Variants in CDKL5 observed in about 807,000 individuals in gnomAD.
CDKL5 encodes the protein cyclin dependent kinase like 5.
CDKL5 carries 8 observed loss-of-function variants against 61.7 expected under a neutral mutation model. The ratio of observed to expected loss-of-function variants is 0.13; its 90% CI spans 0.08 to 0.23. The LOEUF is 0.23. Among genes scored for constraint, CDKL5 ranks in the 10% least tolerant of loss-of-function variants. CDKL5 has a pLI of 1.00. For synonymous variants in CDKL5, 275 were observed against 272.3 expected, an observed-to-expected ratio of 1.01 and a Z score of -0.10; for missense variants, 440 against 734.5, an observed-to-expected ratio of 0.60 and a Z score of 4.63.
At chrX:18,578,148 C>G (rs976591945) in intron 5 of CDKL5, among the ~76,000 whole-genome samples, 1 of 111,815 alleles carries the variant, frequency 8.9e-6, no homozygotes, top group Admixed American at 9.5e-5. Flanking sequence ...CATGCTTATC[C>G]CCACTAGCAC....
In CDKL5 at chrX:18,579,314, T is replaced by A. The variant is rs1363465691; in HGVS notation, c.283-534T>A. Among the ~76,000 whole-genome samples, 4 of 111,612 alleles carry A rather than the reference T, an allele frequency of 3.6e-5. 1 individual carries two copies. The Admixed American group carries it at 3.8e-4, about 11-fold the overall frequency. ...TTTTTGAATATTGAATTGTAGGGGG[T>A]CTGTGACTCTTTATTTCAATAGTAT... On this transcript the variant is annotated intron_variant, in intron 5 of 17. Transcript: ENST00000623535.
downstream of CDKL5, among the ~76,000 whole-genome samples, chrX:18,643,494 G>A (rs1927659674): frequency 8.9e-6 from 1 of 112,434 alleles, no homozygotes; most frequent in South Asian, 3.7e-4. Context: ...GTGCCTCTTT[G>A]CAAAGAACCT....
intron 1 of CDKL5, among the ~76,000 whole-genome samples, chrX:18,473,712 CTTTTTTTTT>C (rs749380907): frequency 1.0e-5 from 1 of 97,532 alleles, no homozygotes; most frequent in Non-Finnish European, 2.1e-5. Flanking sequence ...ACTTCTCTCT[CTTTTTTTTT>C]TTTTTTTGGA....
intron 20 of CDKL5, among the ~76,000 whole-genome samples, chrX:18,649,055 AAAAAG>A (rs1486308802): frequency 1.8e-5 from 2 of 109,273 alleles, no homozygotes; most frequent in East Asian, 5.7e-4. Context: ...AAAAAAAAAA[AAAAAG>A]AAAACTACAG....
chrX:18,566,216 A>G (rs1390614515), intron 4 of CDKL5, among the ~76,000 whole-genome samples: 2 of 111,828 alleles, frequency 1.8e-5, no homozygotes, highest in Admixed American at 9.4e-5. Context: ...CAGTGGCGCA[A>G]TCTTGGCTCA....
intron 1 of CDKL5, among the ~76,000 whole-genome samples, chrX:18,428,996 G>T (rs1487389524): frequency 9.0e-6 from 1 of 110,984 alleles, no homozygotes; most frequent in African/African-American, 3.3e-5. Context: ...ATCGTTTTTA[G>T]AATTTTTTTT....
chrX:18,534,380 T>C (rs924411858), intron 3 of CDKL5, among the ~76,000 whole-genome samples: 6 of 112,115 alleles, frequency 5.4e-5, no homozygotes, highest in African/African-American at 1.6e-4. Flanking sequence ...CTCATATTTC[T>C]GAAATTGTGA....
At chrX:18,568,903 C>CA (rs755638785) in intron 4 of CDKL5, among the ~76,000 whole-genome samples, 17 of 111,173 alleles carry the variant, frequency 1.5e-4, no homozygotes, top group Non-Finnish European at 2.3e-4. Context: ...CTATGTTGCT[C>CA]AGGCTGGTCT....
intron 5 of CDKL5, among the ~76,000 whole-genome samples, chrX:18,577,329 A>G (rs897975687): frequency 2.7e-5 from 3 of 111,285 alleles, no homozygotes; most frequent in African/African-American, 9.8e-5. Context: ...TCTGACAGTC[A>G]GGCCTGAGAT....
chrX:18,508,695 A>ATATATATC (rs1268552029), intron 2 of CDKL5, among the ~76,000 whole-genome samples: 1 of 110,075 alleles, frequency 9.1e-6, no homozygotes, highest in African/African-American at 3.3e-5. Flanking sequence ...ATATATATAT[A>ATATATATC]TATATCAGAA....
At chrX:18,599,383 A>G (rs1279616393) in intron 11 of CDKL5, among the ~76,000 whole-genome samples, 1 of 112,477 alleles carries the variant, frequency 8.9e-6, no homozygotes, top group Non-Finnish European at 1.9e-5. Flanking sequence ...TCGTTGGATT[A>G]TGGAAGATAG....
chrX:18,492,577 A>G (rs1922030903), intron 1 of CDKL5, among the ~76,000 whole-genome samples: 1 of 111,205 alleles, frequency 9.0e-6, no homozygotes, highest in African/African-American at 3.3e-5. Flanking sequence ...CTACTCATAC[A>G]TAGCCCAAGC....
Position 18,631,372 on chromosome X carries a change from T to G in CDKL5, c.*2615T>G. 1.3e-6 allele frequency: 1 copy of G among 754,552 alleles called. No homozygotes were observed. The highest frequency in any genetic ancestry group is 2.3e-5 in the African/African-American group (1 of 43,883). 62.2% of individuals were successfully genotyped at this position (754,552 alleles called of 1,213,427 possible). ...TTCTGACTTTTCATCCAATAAGCTG[T>G]AAGTGAACTACAATCTGCATTTCCA... is the stretch of plus-strand genomic sequence containing the variant. On this transcript the variant is annotated 3_prime_UTR_variant, in exon 18 of 18. Transcript: ENST00000623535.
chrX:18,501,922 C>G (rs1922404044), intron 1 of CDKL5, among the ~76,000 whole-genome samples: 1 of 112,385 alleles, frequency 8.9e-6, no homozygotes, highest in African/African-American at 3.2e-5. Flanking sequence ...ATTTTTATCT[C>G]AAGTTTCCTT....
chrX:18,509,198 C>CACACAA (rs1922719753), intron 2 of CDKL5, among the ~76,000 whole-genome samples: 3 of 8,476 alleles, frequency 3.5e-4, no homozygotes, highest in African/African-American at 1.8e-3. Context: ...TCAAAACACG[C>CACACAA]ACACACACAC....
At chrX:18,585,379 A>G (rs1036671097) in intron 8 of CDKL5, among the ~76,000 whole-genome samples, 1 of 110,618 alleles carries the variant, frequency 9.0e-6, no homozygotes, top group African/African-American at 3.3e-5. Context: ...TGGGCGTCAG[A>G]GCAAGACTCC....
intron 3 of CDKL5, among the ~76,000 whole-genome samples, chrX:18,542,319 C>T (rs939609819): frequency 9.0e-6 from 1 of 111,599 alleles, no homozygotes; most frequent in Non-Finnish European, 1.9e-5. Context: ...ACCAGCCTGG[C>T]GGGGGATTAG....
At chrX:18,650,959 C>A (rs961069759) in intron 21 of CDKL5, among the ~76,000 whole-genome samples, 1 of 112,110 alleles carries the variant, frequency 8.9e-6, no homozygotes, top group Non-Finnish European at 1.9e-5. Context: ...AGCACAGCGT[C>A]TTGCCAAAAA....
intron 3 of CDKL5, among the ~76,000 whole-genome samples, chrX:18,511,160 A>G (rs1297210109): frequency 8.9e-6 from 1 of 112,164 alleles, no homozygotes; most frequent in Non-Finnish European, 1.9e-5. Context: ...TTAAATACTT[A>G]TATGTGGAAT....
Sources: gnomAD v4.1 joint callset for allele counts (sites outside exome capture counted in the v4.1 genomes callset) on GRCh38, gnomAD v4.1.1 for gene constraint, MANE v1.5 for transcripts, NCBI Gene and HGNC (gene_info 2026-07-23, HGNC 2026-07-21) for gene names.